TRPT1: variants seen among roughly 807,000 people sequenced by gnomAD.
TRPT1 encodes the protein tRNA phosphotransferase 1, also known as tRNA 2'-phosphotransferase 1.
In TRPT1, 22 loss-of-function variants were observed where a neutral mutation model predicts 28.4. The observed-to-expected ratio is 0.78, with a 90% confidence interval of 0.55 to 1.11. TRPT1 has a LOEUF of 1.11. TRPT1 is among the 50% of genes least tolerant of loss of function. TRPT1 has a pLI of 0.00. For missense variants in TRPT1, 308 were observed against 317.7 expected (o/e 0.97, Z 0.23); for synonymous variants, 137 against 132.4 (o/e 1.03, Z -0.24).
At chr11:64,225,627 C>T in intron 2 of TRPT1, 47 bp from the exon 3 acceptor site, 2 of 1,559,030 alleles carry the variant, frequency 1.3e-6, no homozygotes, top group South Asian at 2.3e-5. Context: ...TGACCCTGCC[C>T]TACTGCCCAT....
In TRPT1 at chr11:64,224,691, C is replaced by T. The variant is rs375275628; in HGVS notation, c.354G>A (p.Leu118=). The change falls in exon 5 of 8, where the codon CTG becomes CTA. Residue 118 remains leucine (L), a synonymous_variant. Transcript: ENST00000317459. ...LQVPKLELMP[L]ETPQALPPML... is the part of the protein sequence containing the mutation. ...TCGGGGGCAGGGCCTGCGGTGTCTC[C>T]AGGGGCATCAGCTCCAACTTAGGTA... The T allele has an allele frequency of 6.3e-7, 1 of 1,598,206 alleles. No individual in the cohort carries two copies. The highest frequency in any genetic ancestry group is 8.5e-7 in the Non-Finnish European group (1 of 1,170,920).
chr11:64,225,842 C>A lies in TRPT1; in HGVS notation c.19G>T (p.Gly7Trp). 1 of 1,555,584 alleles carries A rather than the reference C, an allele frequency of 6.4e-7. No homozygotes were observed. Among genetic ancestry groups the A allele is most frequent in the East Asian group, 2.4e-5 (1 of 42,150 alleles). ...CTGGACCCTGCTGCTTCCTGCCTCCCTCCTCCAGAGAAGTTCATGGTTAAG... is the reference window on the plus strand; with the variant it reads ...CTGGACCCTGCTGCTTCCTGCCTCCATCCTCCAGAGAAGTTCATGGTTAAG... Reference protein sequence around the residue: MNFSGGGRQEAAGSRGR... With the variant: MNFSGGWRQEAAGSRGR... The change falls in exon 2 of 8, where the codon GGG (glycine) becomes TGG (tryptophan). Residue 7 changes from glycine (G) to tryptophan (W), a missense_variant. Transcript: ENST00000317459.
At chr11:64,225,329 C>T (rs1394571040) in intron 3 of TRPT1, 170 bp downstream of exon 3, 4 of 637,132 alleles carry the variant, frequency 6.3e-6, no homozygotes, top group African/African-American at 5.5e-5. Context: ...TCTCCTCAGT[C>T]TGCTGTGGAC....
intron 3 of TRPT1, 35 bp from the exon 4 acceptor site, chr11:64,225,005 G>A (rs1041861062): frequency 6.5e-7 from 1 of 1,542,574 alleles, no homozygotes; most frequent in Non-Finnish European, 8.7e-7. Flanking sequence ...AGCTAACCTT[G>A]CTCTGGACTG....
chr11:64,226,245 G>A (rs1222496668), upstream of TRPT1: 5 of 452,426 alleles, frequency 1.1e-5, no homozygotes, highest in East Asian at 1.0e-4. Context: ...GTGGAAAGGG[G>A]GCGGGCACTT....
chr11:64,225,965 G>A, intron 1 of TRPT1, 85 bp downstream of exon 1: 5 of 738,212 alleles, frequency 6.8e-6, no homozygotes, highest in South Asian at 4.7e-5. Flanking sequence ...GTGAGCGCTG[G>A]GTGGGAGTAT....
Position 64,226,034 on chromosome 11 carries a change from A to C in TRPT1, c.-10+16T>G. On this transcript the variant is annotated intron_variant, in intron 1 of 7. Transcript: ENST00000317459. ...GCTGCAGAGAGGGAAACTAAGGCCC[A>C]GCAGGCCAGACTTGCCCAAGGTCAC... is the stretch of plus-strand genomic sequence containing the variant. 3.4e-6 allele frequency: 2 copies of C among 595,024 alleles called. No homozygotes were observed. Among genetic ancestry groups the C allele is most frequent in the South Asian group, 2.0e-5 (1 of 49,646 alleles). 36.9% of individuals were successfully genotyped at this position (595,024 alleles called of 1,614,324 possible). A position where few individuals can be genotyped will look rare whatever the true frequency, so the allele number is the denominator to read the frequency against.
In TRPT1 at chr11:64,224,241, C is replaced by T. The variant is rs1946820177; in HGVS notation, c.560-31G>A. 4 of 1,613,696 alleles carry T rather than the reference C, an allele frequency of 2.5e-6. No homozygotes were observed. In the East Asian group the frequency reaches 6.7e-5, roughly 27 times the overall value. On this transcript the variant is annotated intron_variant, in intron 6 of 7. Coordinates refer to ENST00000317459, the MANE Select transcript of TRPT1 (RefSeq NM_001033678.4). ...GACAGAGCCAGAGATGTGACTCATG[C>T]CCTCCCCGAAGGCAAGGGCAGCTCC... is the stretch of plus-strand genomic sequence containing the variant.
In TRPT1 at chr11:64,225,906, G is replaced by T. The variant is rs919526336; in HGVS notation, c.-9-37C>A. 1.7e-5 allele frequency: 21 copies of T among 1,250,338 alleles called. 1 individual carries two copies. The highest frequency in any genetic ancestry group is 1.0e-4 in the South Asian group (8 of 77,968). 77.5% of individuals were successfully genotyped at this position (1,250,338 alleles called of 1,614,324 possible). A position where few individuals can be genotyped will look rare whatever the true frequency, so the allele number is the denominator to read the frequency against. ...AGTGACGAGGGGGGACTGCTTTAAG[G>T]CCCCTTCCACGTCCCCATCCCTCCC... is the stretch of plus-strand genomic sequence containing the variant. On this transcript the variant is annotated intron_variant, in intron 1 of 7. Coordinates refer to ENST00000317459, the MANE Select transcript of TRPT1 (RefSeq NM_001033678.4).
At position 64,223,951 on chromosome 11, in the gene TRPT1, C is replaced by T. The variant is rs201691316; in HGVS notation, c.687G>A (p.Leu229=). 8.7e-6 allele frequency: 14 copies of T among 1,613,750 alleles called. No individual in the cohort carries two copies. Among genetic ancestry groups the T allele is most frequent in the African/African-American group, 2.7e-5 (2 of 74,898 alleles). ...GACACTCTGTCTCTTCATCACCAGC[C>T]AAGGAAAGGGGCTTTCCTGATAAAG... ...QLRPTRKPLS[L]AGDEETECQS... is the part of the protein sequence containing the mutation. The change falls in exon 8 of 8, where the codon TTG becomes TTA. Residue 229 remains leucine, a synonymous_variant. Transcript: ENST00000317459.
At position 64,225,479 on chromosome 11, in the gene TRPT1, C is replaced by G. The variant is rs369602681; in HGVS notation, c.157+20G>C. On this transcript the variant is annotated intron_variant, in intron 3 of 7. Transcript: ENST00000317459. ...GTTTCTCTCTGGGCTCAAGCCCCAG[C>G]CTCCAAGGCCCCTACTTACCAGCTC... is the stretch of plus-strand genomic sequence containing the variant. The G allele has an allele frequency of 1.2e-6, 2 of 1,602,712 alleles. No individual in the cohort carries two copies. The highest frequency in any genetic ancestry group is 1.7e-5 in the Admixed American group (1 of 58,252).
rs922898230 is a variant in TRPT1, at chr11:64,224,335, C to T, written c.509G>A (p.Arg170Gln). The T allele has an allele frequency of 5.6e-6, 9 of 1,613,700 alleles. No individual in the cohort carries two copies. Among genetic ancestry groups the T allele is most frequent in the East Asian group, 4.5e-5 (2 of 44,896 alleles). Residue 170 changes from arginine to glutamine, a missense_variant, in exon 6 of 8, where the codon CGG becomes CAG. By Grantham distance (43) the Arg-to-Gln change is conservative. Coordinates refer to ENST00000317459, the MANE Select transcript of TRPT1 (RefSeq NM_001033678.4). ...PGDPGIISGM[R>Q]SHCEIAVFID... ...GAACACAGCTATTTCACAATGGGAC[C>T]GCATGCCTGCAGAGACAGCTGGAGC...
In TRPT1 at chr11:64,224,945, GAGGGTGCCC is replaced by G; in HGVS notation, c.174_182del (p.Gly59_Leu61del). ...AGCCGCGGAACTGGGGCAACTGCAG[GAGGGTGCCC>G]AGGGGCACGAAGCCATCTGTGGGCA... On this transcript the variant is annotated inframe_deletion, in exon 4 of 8. Transcript: ENST00000317459. 1.3e-6 allele frequency: 2 copies of G among 1,569,274 alleles called. No homozygotes were observed. The highest frequency in any genetic ancestry group is 1.7e-6 in the Non-Finnish European group (2 of 1,157,382).
At position 64,225,836 on chromosome 11, in the gene TRPT1, G is replaced by C; in HGVS notation, c.25C>G (p.Gln9Glu). MNFSGGGR[Q>E]EAAGSRGRRA... ...CTACCCCTGGACCCTGCTGCTTCCT[G>C]CCTCCCTCCTCCAGAGAAGTTCATG... The change falls in exon 2 of 8, where the codon CAG (glutamine) becomes GAG (glutamate). Residue 9 changes from glutamine to glutamate, a missense_variant. Gln to Glu is a conservative substitution (Grantham distance 29, BLOSUM62 2). Transcript: ENST00000317459. 1 of 1,555,568 alleles carries C rather than the reference G, an allele frequency of 6.4e-7. No homozygotes were observed. The highest frequency in any genetic ancestry group is 8.7e-7 in the Non-Finnish European group (1 of 1,148,754).
Position 64,225,869 on chromosome 11 carries a change from CCT to C in TRPT1, c.-9-2_-9-1del. Reference sequence around the variant, plus strand: ...CCTCCAGAGAAGTTCATGGTTAAGACCTGTGGGGGGCAGTGACGAGGGGGGAC... The same window carrying C: ...CCTCCAGAGAAGTTCATGGTTAAGACGTGGGGGGCAGTGACGAGGGGGGAC... On this transcript the variant is annotated splice_acceptor_variant, in intron 1 of 7. Transcript: ENST00000317459. LOFTEE classifies it low-confidence loss of function (5UTR_SPLICE). 1.9e-6 allele frequency: 3 copies of C among 1,549,070 alleles called. No individual in the cohort carries two copies. The highest frequency in any genetic ancestry group is 2.6e-6 in the Non-Finnish European group (3 of 1,143,874).
Position 64,223,853 on chromosome 11 carries a change from T to C in TRPT1, c.*23A>G, listed in dbSNP as rs770583693. 21 of 1,486,760 alleles carry C rather than the reference T, an allele frequency of 1.4e-5. No homozygotes were observed. The South Asian group carries it at 2.0e-4, about 14-fold the overall frequency. The allele number at this position is 1,486,760 out of a possible 1,614,324, so 92.1% of individuals were successfully genotyped here. ...AGTTCTTTCTTGTTACTTTTTAAAA[T>C]TTCTTTTTTATAAATTAATATTTTA... On this transcript the variant is annotated 3_prime_UTR_variant, in exon 8 of 8. Coordinates refer to ENST00000317459, the MANE Select transcript of TRPT1 (RefSeq NM_001033678.4).
Position 64,225,511 on chromosome 11 carries a change from G to C in TRPT1, c.145C>G (p.Pro49Ala), listed in dbSNP as rs372711675. Reference sequence around the variant, plus strand: ...GGCCCCTACTTACCAGCTCCCATGGGAAGCCCCAGCTTCAAGGCCCCATGG... The same window carrying C: ...GGCCCCTACTTACCAGCTCCCATGGCAAGCCCCAGCTTCAAGGCCCCATGG... ...LRHGALKLGL[P>A]MGADGFVPLG... The change falls in exon 3 of 8, where the codon CCC (proline) becomes GCC (alanine). Residue 49 changes from proline to alanine, a missense_variant. By Grantham distance (27) the Pro-to-Ala change is conservative. Transcript: ENST00000317459. 2.1e-5 allele frequency: 34 copies of C among 1,613,016 alleles called. No individual in the cohort carries two copies. The African/African-American group carries it at 4.4e-4, about 21-fold the overall frequency.
chr11:64,224,728 G>A lies in TRPT1; in HGVS notation c.328-11C>T, dbSNP rs771410601. 6.3e-6 allele frequency: 10 copies of A among 1,599,770 alleles called. No homozygotes were observed. The highest frequency in any genetic ancestry group is 1.1e-5 in the South Asian group (1 of 89,310). On this transcript the variant is annotated splice_polypyrimidine_tract_variant and intron_variant, in intron 4 of 7. Coordinates refer to ENST00000317459, the MANE Select transcript of TRPT1 (RefSeq NM_001033678.4). Reference sequence around the variant, plus strand: ...CTCCAACTTAGGTACCTGGTTGAACGGGTAGCAGTGAGACCCCCTTCGCAG... The same window carrying A: ...CTCCAACTTAGGTACCTGGTTGAACAGGTAGCAGTGAGACCCCCTTCGCAG...
At chr11:64,224,761 T>A (rs766952824) in intron 4 of TRPT1, 40 bp downstream of exon 4, 2 of 1,607,388 alleles carry the variant, frequency 1.2e-6, no homozygotes, top group East Asian at 4.5e-5. Flanking sequence ...CAGGCAGGGG[T>A]CCCTCCCATC....
Sources: allele counts gnomAD v4.1 joint callset, GRCh38; gene constraint gnomAD v4.1.1; transcripts MANE v1.5; gene names NCBI Gene and HGNC (gene_info 2026-07-23, HGNC 2026-07-21).